CPXM2: variants seen among roughly 807,000 people sequenced by gnomAD.
CPXM2 encodes inactive carboxypeptidase-like protein X2.
In CPXM2, 66 loss-of-function variants were observed where a neutral mutation model predicts 86.1. The observed-to-expected ratio is 0.77, with a 90% CI of 0.63 to 0.94. The LOEUF is 0.94. Ranked by LOEUF, CPXM2 falls within the 40% of genes least tolerant of loss-of-function variation. CPXM2 has a pLI of 0.00. For synonymous variants in CPXM2, 388 were observed against 400.2 expected (o/e 0.97, Z 0.36); for missense variants, 948 against 1,026.3 (o/e 0.92, Z 1.04).
In CPXM2 at chr10:123,746,844, C is replaced by T; in HGVS notation, c.2191G>A (p.Glu731Lys). The part of the protein sequence containing the change: ...TNMARIREIM[E>K]KFGKQPVSLP... ...CTGACGGGCTGCTTCCCAAACTTCTCCATGATCTCTCGGATCCTGGCCATG... is the reference window on the plus strand; with the variant it reads ...CTGACGGGCTGCTTCCCAAACTTCTTCATGATCTCTCGGATCCTGGCCATG... Residue 731 changes from glutamate to lysine, a missense_variant, in exon 14 of 14, where the codon GAG becomes AAG. Coordinates refer to ENST00000241305, the MANE Select transcript of CPXM2 (RefSeq NM_198148.3). 6.2e-7 allele frequency: 1 copy of T among 1,614,214 alleles called. No homozygotes were observed. The highest frequency in any genetic ancestry group is 8.5e-7 in the Non-Finnish European group (1 of 1,180,052).
At position 123,798,055 on chromosome 10, in the gene CPXM2, G is replaced by GTAGCT. The variant is rs748247193; in HGVS notation, c.809_810insAGCTA (p.Tyr270Ter). The GTAGCT allele has an allele frequency of 6.2e-7, 1 of 1,612,220 alleles. No individual in the cohort carries two copies. Among genetic ancestry groups the GTAGCT allele is most frequent in the Non-Finnish European group, 8.5e-7 (1 of 1,179,080 alleles). ...ACCAGGACTGAGGGTTTATGCGGAT[G>GTAGCT]TAGCGGGCCACCATGGGGACGGGTA... On this transcript the variant is annotated stop_gained and frameshift_variant, in exon 6 of 14. Coordinates refer to ENST00000241305, the MANE Select transcript of CPXM2 (RefSeq NM_198148.3). LOFTEE classifies it high-confidence loss of function.
At chr10:123,860,996 C>T (rs915362533) in intron 3 of CPXM2, among the ~76,000 whole-genome samples, 1 of 152,140 alleles carries the variant, frequency 6.6e-6, no homozygotes, top group African/African-American at 2.4e-5. Flanking sequence ...GCGGTGCAGT[C>T]TGAGGGGTGG....
At chr10:123,836,290 C>G (rs543117585) in intron 4 of CPXM2, among the ~76,000 whole-genome samples, 5 of 152,172 alleles carry the variant, frequency 3.3e-5, no homozygotes, top group South Asian at 2.1e-4. Flanking sequence ...CCACTGTCTT[C>G]CCCTGCCAAT....
intron 1 of CPXM2, among the ~76,000 whole-genome samples, chr10:123,883,373 C>T (rs1422317115): frequency 1.3e-5 from 2 of 152,208 alleles, no homozygotes; most frequent in Non-Finnish European, 2.9e-5. Context: ...GCCATGTCTG[C>T]CCCTGTACCC....
chr10:123,850,384 C>T (rs946889634), intron 3 of CPXM2, among the ~76,000 whole-genome samples: 3 of 152,184 alleles, frequency 2.0e-5, no homozygotes, highest in Non-Finnish European at 4.4e-5. Flanking sequence ...CTGAAGTCAA[C>T]CACAGTCTGA....
intron 9 of CPXM2, 54 bp from the exon 10 acceptor site, chr10:123,767,206 C>G (rs2133999440): frequency 1.3e-6 from 2 of 1,513,256 alleles, no homozygotes; most frequent in Non-Finnish European, 1.8e-6. Flanking sequence ...AACGCGGACC[C>G]TCTACCATAC....
intron 7 of CPXM2, among the ~76,000 whole-genome samples, chr10:123,775,666 A>T (rs1200701405): frequency 6.6e-6 from 1 of 152,220 alleles, no homozygotes; most frequent in Non-Finnish European, 1.5e-5. Flanking sequence ...CACCGATGGC[A>T]AAGTATTGGT....
intron 4 of CPXM2, among the ~76,000 whole-genome samples, chr10:123,814,153 G>A (rs776384997): frequency 6.6e-6 from 1 of 152,182 alleles, no homozygotes; most frequent in Non-Finnish European, 1.5e-5. Context: ...CTTGAAGGAT[G>A]CAAAGTATTG....
chr10:123,774,056 G>A (rs768666933), intron 7 of CPXM2, among the ~76,000 whole-genome samples: 1 of 152,186 alleles, frequency 6.6e-6, no homozygotes, highest in Non-Finnish European at 1.5e-5. Flanking sequence ...TGATTCAAAG[G>A]GCATCTCTTT....
At chr10:123,906,503 T>C (rs1945442635) in intron 2 of CPXM2, among the ~76,000 whole-genome samples, 3 of 152,212 alleles carry the variant, frequency 2.0e-5, no homozygotes, top group Admixed American at 2.0e-4. Context: ...TCATGTCAGC[T>C]TCACTCAGCT....
chr10:123,842,608 T>C, intron 3 of CPXM2, 120 bp from the exon 4 acceptor site: 1 of 1,002,004 alleles, frequency 1.0e-6, no homozygotes, highest in Admixed American at 2.7e-5. Flanking sequence ...GAGGAAGGTG[T>C]TAAAGAAAAA....
intron 1 of CPXM2, among the ~76,000 whole-genome samples, chr10:123,884,109 C>T (rs1237407114): frequency 6.6e-6 from 1 of 152,118 alleles, no homozygotes; most frequent in Non-Finnish European, 1.5e-5. Context: ...AAAAAAAATG[C>T]TTTGCTGCAA....
chr10:123,826,925 T>C (rs1848060523), intron 4 of CPXM2, among the ~76,000 whole-genome samples: 1 of 152,056 alleles, frequency 6.6e-6, no homozygotes, highest in Non-Finnish European at 1.5e-5. Flanking sequence ...TGAAAAAAAT[T>C]ATAGAAAAAT....
chr10:123,930,037 C>T (rs936459712), intron 2 of CPXM2, among the ~76,000 whole-genome samples: 5 of 152,196 alleles, frequency 3.3e-5, no homozygotes, highest in African/African-American at 1.2e-4. Flanking sequence ...CCATCTCTGT[C>T]CCCTGAAGAA....
intron 4 of CPXM2, among the ~76,000 whole-genome samples, chr10:123,839,452 G>A (rs892059577): frequency 8.5e-5 from 13 of 152,184 alleles, no homozygotes; most frequent in African/African-American, 2.4e-4. Flanking sequence ...ATTGATACCC[G>A]TTCATTAAAG....
At chr10:123,898,624 G>A (rs375832637) in intron 2 of CPXM2, among the ~76,000 whole-genome samples, 13 of 152,290 alleles carry the variant, frequency 8.5e-5, no homozygotes, top group Non-Finnish European at 1.5e-4. Context: ...GCAACAGAGT[G>A]AGACTCTGTC....
intron 3 of CPXM2, among the ~76,000 whole-genome samples, chr10:123,858,812 G>T (rs971847256): frequency 7.7e-4 from 118 of 152,344 alleles, no homozygotes; most frequent in African/African-American, 2.8e-3. Flanking sequence ...TCACATAGCA[G>T]GCACCTCACA....
At chr10:123,851,088 G>A (rs138624577) in intron 3 of CPXM2, among the ~76,000 whole-genome samples, 1 of 152,134 alleles carries the variant, frequency 6.6e-6, no homozygotes, top group Non-Finnish European at 1.5e-5. Flanking sequence ...TTTACTTGAC[G>A]ACTAATGGTG....
intron 2 of CPXM2, among the ~76,000 whole-genome samples, chr10:123,933,107 G>A (rs968552391): frequency 2.0e-5 from 3 of 152,186 alleles, no homozygotes; most frequent in East Asian, 1.9e-4. Context: ...CCTTGAATGC[G>A]ATTTTGGAAA....
Sources: allele counts gnomAD v4.1 joint callset (sites outside exome capture counted in the v4.1 genomes callset), GRCh38; gene constraint gnomAD v4.1.1; transcripts MANE v1.5; gene names NCBI Gene and HGNC (gene_info 2026-07-23, HGNC 2026-07-21).